IFT140: variants seen among roughly 807,000 people sequenced by gnomAD.
The protein encoded by IFT140 is intraflagellar transport 140, also known as intraflagellar transport protein 140 homolog.
A neutral mutation model predicts 164.6 loss-of-function variants in IFT140; 133 were observed. That is an observed-to-expected ratio of 0.81 (90% confidence interval 0.70 to 0.93). The LOEUF is 0.93. Ranked by LOEUF, IFT140 falls within the 40% of genes least tolerant of loss-of-function variation. The pLI is 0.00. For missense variants in IFT140, 2,045 were observed against 1,972.3 expected (o/e 1.04, Z -0.70); for synonymous variants, 860 against 817.3 (o/e 1.05, Z -0.89).
rs2032880737 is a variant in IFT140, at chr16:1,553,901, T to C, written c.2399+4034A>G. 1.2e-5 allele frequency: 15 copies of C among 1,272,342 alleles called. No individual in the cohort carries two copies. Among genetic ancestry groups the C allele is most frequent in the Non-Finnish European group, 1.5e-5 (15 of 978,916 alleles). The allele number at this position is 1,272,342 out of a possible 1,614,324, so 78.8% of individuals were successfully genotyped here. A position where few individuals can be genotyped will look rare whatever the true frequency, so the allele number is the denominator to read the frequency against. On this transcript the variant is annotated intron_variant, in intron 19 of 30. Transcript: ENST00000426508. The surrounding 1 kb of genome is among the most constrained non-coding windows in gnomAD (Gnocchi z 4.4). ...TCACGAAACCCTGATTTTCCTGTTG[T>C]AAGAACTAAAAAGGTCTTTGGAGCT...
Position 1,524,564 on chromosome 16 carries a change from G to A in IFT140, c.3129C>T (p.Ile1043=), listed in dbSNP as rs2040617691. ...GGGCCCGTGGTACCTTGCACAGGCGGATGGCATTCTTGAAGGCCTGTGCCC... is the reference window on the plus strand; with the variant it reads ...GGGCCCGTGGTACCTTGCACAGGCGAATGGCATTCTTGAAGGCCTGTGCCC... The part of the protein sequence containing the change: ...YTRAQAFKNA[I]RLCKENGLDD... The change falls in exon 24 of 31, where the codon ATC becomes ATT. Residue 1043 remains isoleucine, a synonymous_variant. Coordinates refer to ENST00000426508, the MANE Select transcript of IFT140 (RefSeq NM_014714.4). The A allele has an allele frequency of 3.1e-6, 5 of 1,611,666 alleles. No homozygotes were observed. The highest frequency in any genetic ancestry group is 4.2e-6 in the Non-Finnish European group (5 of 1,179,028).
Position 1,518,317 on chromosome 16 carries a change from C to A in IFT140, c.4081G>T (p.Glu1361Ter), listed in dbSNP as rs775756886. 3 of 1,614,074 alleles carry A rather than the reference C, an allele frequency of 1.9e-6. No homozygotes were observed. The highest frequency in any genetic ancestry group is 2.2e-5 in the South Asian group (2 of 91,080). The change falls in exon 30 of 31, where the codon GAG (glutamate) becomes TAG (stop). Residue 1361 changes from glutamate to a stop codon, truncating the protein, a stop_gained. Coordinates refer to ENST00000426508, the MANE Select transcript of IFT140 (RefSeq NM_014714.4). LOFTEE classifies it high-confidence loss of function. ...AGGTCTGGTTCCTCCAGGAGCAGCT[C>A]ACACTGCTTGATGGACTCCTTGGGG... ...EDPKESIKQC[E>*]LLLEEPDLDS...
intron 2 of IFT140, among the ~76,000 whole-genome samples, chr16:1,607,550 A>G (rs1267194848): frequency 6.6e-6 from 1 of 152,186 alleles, no homozygotes; most frequent in Non-Finnish European, 1.5e-5. Flanking sequence ...ATGGCCATCA[A>G]AGGAGGAAAG....
intron 4 of IFT140, among the ~76,000 whole-genome samples, chr16:1,599,504 G>C (rs1434964273): frequency 1.9e-5 from 1 of 53,268 alleles, no homozygotes; most frequent in East Asian, 8.0e-4. Flanking sequence ...CAGCCGCCCC[G>C]TCCGGGAGGG....
chr16:1,525,081 T>A, intron 22 of IFT140, 150 bp downstream of exon 22: 1 of 1,185,884 alleles, frequency 8.4e-7, no homozygotes, highest in East Asian at 2.5e-5. Flanking sequence ...AGGGCCTGGC[T>A]CAGGGCCCTG....
At chr16:1,541,981 A>G in intron 19 of IFT140, 1 of 1,611,198 alleles carries the variant, frequency 6.2e-7, no homozygotes, top group Non-Finnish European at 8.5e-7. Context: ...ACCGCAGGCC[A>G]GCTCACCTTC....
At chr16:1,560,023 T>C (rs1419876994) in intron 18 of IFT140, among the ~76,000 whole-genome samples, 1 of 151,982 alleles carries the variant, frequency 6.6e-6, no homozygotes, top group African/African-American at 2.4e-5. Context: ...CCATGCAAAA[T>C]TAATGGGGAA....
chr16:1,534,110 C>T (rs576595546), intron 19 of IFT140: 16 of 804,836 alleles, frequency 2.0e-5, no homozygotes, highest in African/African-American at 1.1e-4. Flanking sequence ...AAGGCCGGGC[C>T]GAGAGGCGGC....
At chr16:1,547,242 T>C (rs2032250660) in intron 19 of IFT140, among the ~76,000 whole-genome samples, 2 of 152,206 alleles carry the variant, frequency 1.3e-5, no homozygotes, top group Admixed American at 1.3e-4. Context: ...AGAAGGACAC[T>C]AGAAAGGGCA....
chr16:1,547,039 T>C (rs1340245152), intron 19 of IFT140, among the ~76,000 whole-genome samples: 2 of 152,228 alleles, frequency 1.3e-5, no homozygotes, highest in Admixed American at 1.3e-4. Context: ...TATGCTGGGC[T>C]TAGCTGGGTT....
rs757026549 is a variant in IFT140 at position 1,557,967 on chromosome 16, G to A, written c.2367C>T (p.Asp789=). Residue 789 remains aspartate (D), a synonymous_variant, in exon 19 of 31, where the codon GAC becomes GAT. Coordinates refer to ENST00000426508, the MANE Select transcript of IFT140 (RefSeq NM_014714.4). ...FSFFVTIGDM[D]EAFKSIKLIK... ...TGAGCTTGATGGATTTGAAGGCTTCGTCCATGTCTCCTATGGTGACAAAGA... is the reference window on the plus strand; with the variant it reads ...TGAGCTTGATGGATTTGAAGGCTTCATCCATGTCTCCTATGGTGACAAAGA... The A allele has an allele frequency of 1.1e-5, 18 of 1,613,738 alleles. No homozygotes were observed. The highest frequency in any genetic ancestry group is 1.0e-4 in the Admixed American group (6 of 60,008).
chr16:1,543,123 G>C (rs2031808990), intron 19 of IFT140, among the ~76,000 whole-genome samples: 1 of 152,256 alleles, frequency 6.6e-6, no homozygotes, highest in Non-Finnish European at 1.5e-5. Flanking sequence ...TGCCCGCAGA[G>C]ACAGGGACAC....
chr16:1,511,089 A>G lies in IFT140; in HGVS notation c.4244T>C (p.Val1415Ala). The G allele has an allele frequency of 6.2e-7, 1 of 1,610,612 alleles. No individual in the cohort carries two copies. Among genetic ancestry groups the G allele is most frequent in the Admixed American group, 1.7e-5 (1 of 59,712 alleles). Residue 1415 changes from valine to alanine, a missense_variant, in exon 31 of 31, where the codon GTG (valine) becomes GCG (alanine). Physicochemically the swap from Val to Ala is moderately conservative, Grantham distance 64. Coordinates refer to ENST00000426508, the MANE Select transcript of IFT140 (RefSeq NM_014714.4). The part of the protein sequence containing the change: ...RLPLANMSYY[V>A]SPQAVDAVHR... The stretch of plus-strand genomic sequence containing the variant: ...CACGGCGTCCACGGCCTGCGGGCTC[A>G]CGTAGTAGGACATGTTGGCCAAGGG...
intron 14 of IFT140, among the ~76,000 whole-genome samples, chr16:1,569,784 C>T (rs1331341103): frequency 1.3e-5 from 2 of 150,778 alleles, no homozygotes; most frequent in African/African-American, 2.4e-5. Flanking sequence ...AATTGGGTTT[C>T]ACCATGCTGC....
intron 19 of IFT140, chr16:1,555,136 T>C (rs1460478893): frequency 1.5e-6 from 2 of 1,368,512 alleles, no homozygotes; most frequent in East Asian, 4.8e-5. Flanking sequence ...AGGCACGGGA[T>C]GAGTCTGGGT....
At chr16:1,587,572 G>C (rs2075300720) in intron 8 of IFT140, among the ~76,000 whole-genome samples, 1 of 152,198 alleles carries the variant, frequency 6.6e-6, no homozygotes, top group African/African-American at 2.4e-5. Flanking sequence ...CACAGAGCAC[G>C]AGATGGCCCC....
At chr16:1,526,418 C>G (rs1009705926) in intron 20 of IFT140, 1 of 635,260 alleles carries the variant, frequency 1.6e-6, no homozygotes, top group Non-Finnish European at 2.7e-6. Context: ...GGCACACACC[C>G]TGGAGAGCCG....
At chr16:1,550,841 A>G (rs1331530433) in intron 19 of IFT140, among the ~76,000 whole-genome samples, 1 of 152,168 alleles carries the variant, frequency 6.6e-6, no homozygotes, top group Non-Finnish European at 1.5e-5. Context: ...AGAGCGCCCT[A>G]GCCGTCTCTG....
intron 15 of IFT140, among the ~76,000 whole-genome samples, chr16:1,566,826 C>G (rs959743587): frequency 1.4e-4 from 21 of 152,162 alleles, no homozygotes; most frequent in African/African-American, 5.1e-4. Flanking sequence ...TTTGAGGCTC[C>G]TGGCTGCCTC....
Sources: gnomAD v4.1 joint callset for allele counts (sites outside exome capture counted in the v4.1 genomes callset) on GRCh38, gnomAD v4.1.1 for gene constraint, Gnocchi (gnomAD v3.1) non-coding constraint, MANE v1.5 for transcripts, NCBI Gene and HGNC (gene_info 2026-07-23, HGNC 2026-07-21) for gene names.